CD4: variants seen among roughly 807,000 people sequenced by gnomAD.
CD4 encodes the protein T-cell surface glycoprotein CD4.
In CD4, 25 loss-of-function variants were observed where a neutral mutation model predicts 50.5. The observed-to-expected ratio is 0.49, with a 90% CI of 0.36 to 0.69. CD4 has a LOEUF of 0.69. Ranked by LOEUF, CD4 falls within the 30% of genes least tolerant of loss-of-function variation. The pLI is 0.00. For synonymous variants in CD4, 207 were observed against 221.9 expected (o/e 0.93, Z 0.60); for missense variants, 456 against 548.5 (o/e 0.83, Z 1.68).
Position 6,815,751 on chromosome 12 carries a change from G to A in CD4, c.608-305G>A, listed in dbSNP as rs1184606267. 6.5e-6 allele frequency: 9 copies of A among 1,390,036 alleles called. No individual in the cohort carries two copies. The Admixed American group carries it at 1.9e-4, about 30-fold the overall frequency. 86.1% of individuals were successfully genotyped at this position (1,390,036 alleles called of 1,614,324 possible). On this transcript the variant is annotated intron_variant, in intron 5 of 9. Transcript: ENST00000011653. ...TGAAGGGTGATGAATACGCCTCTAA[G>A]GAGTGGAGGCCAAATGGCTTCTGTG...
chr12:6,798,160 G>C (rs575533740), intron 1 of CD4, among the ~76,000 whole-genome samples: 2 of 151,740 alleles, frequency 1.3e-5, no homozygotes, highest in Admixed American at 1.3e-4. Context: ...CACACTGCCT[G>C]CAAGAACTTT....
At chr12:6,793,831 T>C (rs571487978) in intron 1 of CD4, among the ~76,000 whole-genome samples, 51 of 151,950 alleles carry the variant, frequency 3.4e-4, no homozygotes, top group Admixed American at 3.3e-3. Flanking sequence ...TTTGTATTTT[T>C]AGTAGACACG....
chr12:6,789,952 G>C (rs1191956200), intron 1 of CD4, among the ~76,000 whole-genome samples: 1 of 152,220 alleles, frequency 6.6e-6, no homozygotes, highest in Non-Finnish European at 1.5e-5. Context: ...ATCAGAGAGG[G>C]AGTGAAGACT....
chr12:6,801,132 A>T (rs1329546536), intron 3 of CD4, among the ~76,000 whole-genome samples: 5 of 150,864 alleles, frequency 3.3e-5, no homozygotes, highest in African/African-American at 1.2e-4. Context: ...TCTCGAACTC[A>T]TGAGCTCAAG....
chr12:6,817,937 A>AC (rs1482032801), intron 7 of CD4, among the ~76,000 whole-genome samples: 3 of 151,630 alleles, frequency 2.0e-5, no homozygotes, highest in African/African-American at 7.3e-5. Context: ...ACACTCACAC[A>AC]CTTATACACT....
At chr12:6,801,867 A>AT (rs1942571522) in intron 3 of CD4, among the ~76,000 whole-genome samples, 1 of 123,250 alleles carries the variant, frequency 8.1e-6, no homozygotes, top group Non-Finnish European at 1.7e-5. Context: ...GCCCAGAATC[A>AT]TTTTTTTCTA....
intron 3 of CD4, among the ~76,000 whole-genome samples, chr12:6,806,894 G>A (rs1942777236): frequency 6.6e-6 from 1 of 152,226 alleles, no homozygotes; most frequent in African/African-American, 2.4e-5. Context: ...GCGGCCGGGC[G>A]CGGTAGCTCA....
chr12:6,807,218 C>T (rs138210739), intron 3 of CD4, among the ~76,000 whole-genome samples: 1 of 152,210 alleles, frequency 6.6e-6, no homozygotes, highest in African/African-American at 2.4e-5. Flanking sequence ...AGCAATATTG[C>T]ACCCCTAGGC....
chr12:6,798,299 A>G lies in CD4; in HGVS notation c.-67-1773A>G, dbSNP rs1159926477. 1.7e-5 allele frequency among the ~76,000 whole-genome samples: 2 copies of G among 116,322 alleles called. 1 individual carries two copies. Among genetic ancestry groups the G allele is most frequent in the Non-Finnish European group, 3.9e-5 (2 of 50,712 alleles). The allele number at this position is 116,322 out of a possible 152,430, so 76.3% of individuals were successfully genotyped here. ...ATTCTCCTGCCTCAGCCTCCCGAGT[A>G]GCTGGGACTACAGGCGCCCGCCACC... On this transcript the variant is annotated intron_variant, in intron 1 of 9. Coordinates refer to ENST00000011653, the MANE Select transcript of CD4 (RefSeq NM_000616.5).
chr12:6,814,352 A>G, intron 4 of CD4, 52 bp downstream of exon 4: 1 of 1,567,350 alleles, frequency 6.4e-7, no homozygotes, highest in Non-Finnish European at 8.7e-7. Flanking sequence ...TCCCTTCCCC[A>G]CTACTCCCAC....
In CD4 at chr12:6,817,264, G is replaced by A. The variant is rs782740827; in HGVS notation, c.1090G>A (p.Glu364Lys). 3.1e-6 allele frequency: 5 copies of A among 1,598,264 alleles called. No homozygotes were observed. Among genetic ancestry groups the A allele is most frequent in the Non-Finnish European group, 4.3e-6 (5 of 1,171,404 alleles). Reference sequence around the variant, plus strand: ...GAAGGCGGTGTGGGTGCTGAACCCTGAGGCGGGGATGTGGCAGTGTCTGCT... The same window carrying A: ...GAAGGCGGTGTGGGTGCTGAACCCTAAGGCGGGGATGTGGCAGTGTCTGCT... ...REKAVWVLNPEAGMWQCLLSD... is the reference protein window; with the variant it reads ...REKAVWVLNPKAGMWQCLLSD... Residue 364 changes from glutamate to lysine, a missense_variant, in exon 7 of 10, where the codon GAG (glutamate) becomes AAG (lysine). Glu to Lys is a moderately conservative substitution (Grantham distance 56). Coordinates refer to ENST00000011653, the MANE Select transcript of CD4 (RefSeq NM_000616.5).
At chr12:6,790,120 A>G (rs1176709829) in intron 1 of CD4, among the ~76,000 whole-genome samples, 1 of 125,394 alleles carries the variant, frequency 8.0e-6, no homozygotes, top group Non-Finnish European at 1.7e-5. Context: ...GAAACCTATA[A>G]AAAAGAAATG....
Position 6,817,230 on chromosome 12 carries a change from G to A in CD4, c.1056G>A (p.Ser352=), listed in dbSNP as rs782101790. 1.4e-5 allele frequency: 23 copies of A among 1,612,490 alleles called. No individual in the cohort carries two copies. The highest frequency in any genetic ancestry group is 4.4e-5 in the South Asian group (4 of 90,804). ...LKLENKEAKV[S]KREKAVWVLN... is the part of the protein sequence containing the mutation. The stretch of plus-strand genomic sequence containing the variant: ...TGGAGAACAAGGAGGCAAAGGTCTC[G>A]AAGCGGGAGAAGGCGGTGTGGGTGC... The change falls in exon 7 of 10, where the codon TCG becomes TCA. Residue 352 remains serine, a synonymous_variant. Transcript: ENST00000011653.
rs377361025 is a variant in CD4 at position 6,800,147 on chromosome 12, G to A, written c.9G>A (p.Arg3=). The stretch of plus-strand genomic sequence containing the variant: ...CCCTCGGCAAGGCCACAATGAACCG[G>A]GGAGTCCCTTTTAGGCACTTGCTTC... The part of the protein sequence containing the change: MN[R]GVPFRHLLLV... The change falls in exon 2 of 10, where the codon CGG becomes CGA. Residue 3 remains arginine (R), a synonymous_variant. Coordinates refer to ENST00000011653, the MANE Select transcript of CD4 (RefSeq NM_000616.5). 6.8e-6 allele frequency: 11 copies of A among 1,613,894 alleles called. No individual in the cohort carries two copies. The African/African-American group carries it at 1.5e-4, about 22-fold the overall frequency.
chr12:6,815,830 T>C lies in CD4; in HGVS notation c.608-226T>C, dbSNP rs11064418. 2.5e-3 allele frequency: 3,700 copies of C among 1,485,310 alleles called. 7 individuals are homozygous for C. Among genetic ancestry groups the C allele is most frequent in the Non-Finnish European group, 3.0e-3 (3,351 of 1,114,616 alleles). 92.0% of individuals were successfully genotyped at this position (1,485,310 alleles called of 1,614,324 possible). A position where few individuals can be genotyped will look rare whatever the true frequency, so the allele number is the denominator to read the frequency against. On this transcript the variant is annotated intron_variant, in intron 5 of 9. Coordinates refer to ENST00000011653, the MANE Select transcript of CD4 (RefSeq NM_000616.5). ...CCCCTGTGGCTGGGCTGCTCTGTGA[T>C]GGCTTCCGGGAGGAGGGAGGTGGCC...
At chr12:6,800,619 C>G in intron 3 of CD4, 148 bp downstream of exon 3, 1 of 615,832 alleles carries the variant, frequency 1.6e-6, no homozygotes. Flanking sequence ...CAGAGTTTCT[C>G]TACACCAACT....
Position 6,814,194 on chromosome 12 carries a change from A to G in CD4, c.267A>G (p.Gln89=). The part of the protein sequence containing the change: ...RADSRRSLWD[Q]GNFPLIIKNL... ...ACTCAAGAAGAAGCCTTTGGGACCA[A>G]GGAAACTTTCCCCTGATCATCAAGA... Residue 89 remains glutamine (Q), a synonymous_variant, in exon 4 of 10, where the codon CAA becomes CAG. Coordinates refer to ENST00000011653, the MANE Select transcript of CD4 (RefSeq NM_000616.5). 1.9e-6 allele frequency: 3 copies of G among 1,614,178 alleles called. No individual in the cohort carries two copies. Among genetic ancestry groups the G allele is most frequent in the Non-Finnish European group, 8.5e-7 (1 of 1,180,010 alleles).
At chr12:6,805,850 G>C (rs1942738241) in intron 3 of CD4, among the ~76,000 whole-genome samples, 1 of 152,082 alleles carries the variant, frequency 6.6e-6, no homozygotes, top group Non-Finnish European at 1.5e-5. Context: ...GCTGAGGTGG[G>C]AAGATCGCTT....
rs782102791 is a variant in CD4 at position 6,815,163 on chromosome 12, C to T, written c.607+171C>T. 1.9e-5 allele frequency: 11 copies of T among 587,782 alleles called. No homozygotes were observed. The Admixed American group carries it at 3.1e-4, about 16-fold the overall frequency. 36.4% of individuals were successfully genotyped at this position (587,782 alleles called of 1,614,324 possible). On this transcript the variant is annotated intron_variant, in intron 5 of 9. Transcript: ENST00000011653. The stretch of plus-strand genomic sequence containing the variant: ...TGAAGGACTCACTGGGGCCCTCATC[C>T]TCAGGGGGCTGATTGGCAGCCACCC...
Sources: allele counts gnomAD v4.1 joint callset (sites outside exome capture counted in the v4.1 genomes callset), GRCh38; gene constraint gnomAD v4.1.1; transcripts MANE v1.5; gene names NCBI Gene and HGNC (gene_info 2026-07-23, HGNC 2026-07-21).